The following LARP1 variants were observed in gnomAD, a reference collection of about 807,000 sequenced individuals.
The protein encoded by LARP1 is la-related protein 1.
In LARP1, 36 loss-of-function variants were observed where a neutral mutation model predicts 122.7. The ratio of observed to expected loss-of-function variants is 0.29; its 90% CI spans 0.22 to 0.39. LARP1 has a LOEUF of 0.39. Ranked by LOEUF, LARP1 falls within the 10% of genes least tolerant of loss-of-function variation. LARP1 has a pLI of 1.00. For synonymous variants in LARP1, 539 were observed against 528.7 expected (o/e 1.02, Z -0.27); for missense variants, 1,040 against 1,403.6 (o/e 0.74, Z 4.14).
At chr5:154,725,081 C>CA (rs1324938447) in intron 1 of LARP1, among the ~76,000 whole-genome samples, 1 of 151,874 alleles carries the variant, frequency 6.6e-6, no homozygotes, top group Non-Finnish European at 1.5e-5. Context: ...CTTGTCTCTA[C>CA]AAAAAAACTT....
At chr5:154,707,589 T>C (rs1311905228) in intron 1 of LARP1, among the ~76,000 whole-genome samples, 1 of 152,226 alleles carries the variant, frequency 6.6e-6, no homozygotes, top group East Asian at 1.9e-4. Context: ...TTAACCTTTT[T>C]GGCACCAGGG....
Position 154,811,711 on chromosome 5 carries a change from A to C in LARP1, c.3081+71A>C. ...CTGGACCAGGAATCAGGATACTTGG[A>C]TTCTGGTCCAGCTGTGCCCCTAGCC... is the stretch of plus-strand genomic sequence containing the variant. On this transcript the variant is annotated intron_variant, in intron 18 of 18. Coordinates refer to ENST00000518297, the MANE Select transcript of LARP1 (RefSeq NM_033551.3). 1.9e-6 allele frequency: 3 copies of C among 1,587,134 alleles called. No individual in the cohort carries two copies. The South Asian group carries it at 3.3e-5, about 18-fold the overall frequency.
In LARP1 at chr5:154,755,471, G is replaced by A; in HGVS notation, c.-287G>A. 1 of 867,312 alleles carries A rather than the reference G, an allele frequency of 1.2e-6. No individual in the cohort carries two copies. Among genetic ancestry groups the A allele is most frequent in the Non-Finnish European group, 1.4e-6 (1 of 721,110 alleles). 53.7% of individuals were successfully genotyped at this position (867,312 alleles called of 1,614,324 possible). On this transcript the variant is annotated 5_prime_UTR_variant, in exon 1 of 19. It adds an upstream start codon to the 5' untranslated region. Transcript: ENST00000518297. ...GGACTAGAAGCCTGCCGGGCTCGGG[G>A]TGGGGGCGTCTTGCGAGGAACGGGC...
chr5:154,769,244 A>C (rs2103073), intron 1 of LARP1, among the ~76,000 whole-genome samples: 9,215 of 152,320 alleles, frequency 0.06, 358 homozygotes, highest in South Asian at 0.13. Context: ...ACCTCTCATG[A>C]CTGCTGTCTG....
chr5:154,798,021 GT>G (rs1758030266), intron 8 of LARP1, among the ~76,000 whole-genome samples: 2 of 152,142 alleles, frequency 1.3e-5, no homozygotes, highest in South Asian at 2.1e-4. Flanking sequence ...ACTGAAAACA[GT>G]TTTTCCACTT....
At chr5:154,782,487 A>G (rs1430387235) in intron 1 of LARP1, among the ~76,000 whole-genome samples, 1 of 152,156 alleles carries the variant, frequency 6.6e-6, no homozygotes, top group Non-Finnish European at 1.5e-5. Flanking sequence ...CACCTGGGTC[A>G]CCACAGGCTA....
intron 1 of LARP1, among the ~76,000 whole-genome samples, chr5:154,739,309 C>T (rs1757092128): frequency 6.6e-6 from 1 of 152,102 alleles, no homozygotes; most frequent in African/African-American, 2.4e-5. Flanking sequence ...CGTGAGCCAC[C>T]TCACCCGGCC....
At position 154,813,920 on chromosome 5, in the gene LARP1, C is replaced by T. The variant is rs775808635; in HGVS notation, c.3115C>T (p.His1039Tyr). ...PMGEEGNHKR[H>Y]SVVAGGGGGE... ...GGGTGAGGAGGGCAACCACAAGCGA[C>T]ACTCAGTGGTAGCAGGAGGTGGCGG... The change falls in exon 19 of 19, where the codon CAC becomes TAC. Residue 1039 changes from histidine (H) to tyrosine (Y), a missense_variant. This residue lies in a region of LARP1 where 129 missense variants were observed against 160.8 expected (regional missense o/e 0.80). Transcript: ENST00000518297. The T allele has an allele frequency of 6.2e-7, 1 of 1,614,086 alleles. No individual in the cohort carries two copies. Among genetic ancestry groups the T allele is most frequent in the South Asian group, 1.1e-5 (1 of 91,078 alleles).
In LARP1 at chr5:154,803,866, G is replaced by A. The variant is rs1758542644; in HGVS notation, c.2439+121G>A. On this transcript the variant is annotated intron_variant, in intron 13 of 18. Coordinates refer to ENST00000518297, the MANE Select transcript of LARP1 (RefSeq NM_033551.3). The surrounding 1 kb of genome is among the most constrained non-coding windows in gnomAD (Gnocchi z 4.4). ...GTGCTAAATCCTTCACCTGCTCTGT[G>A]TTCTGAGGCTGGTGGGCTTACCTAG... 2.2e-5 allele frequency: 23 copies of A among 1,051,718 alleles called. No homozygotes were observed. In the South Asian group the frequency reaches 3.3e-4, roughly 15 times the overall value. 65.1% of individuals were successfully genotyped at this position (1,051,718 alleles called of 1,614,324 possible).
chr5:154,752,063 G>C (rs943974652), upstream of LARP1, among the ~76,000 whole-genome samples: 3 of 152,040 alleles, frequency 2.0e-5, no homozygotes, highest in African/African-American at 7.2e-5. Context: ...TCCTGCTTTG[G>C]CCTTTCAAAG....
At chr5:154,729,578 G>T in intron 1 of LARP1, 1 of 436,862 alleles carries the variant, frequency 2.3e-6, no homozygotes, top group South Asian at 1.7e-5. Flanking sequence ...GAAAGCCAAA[G>T]AGAAAGGTAC....
At chr5:154,793,115 CT>C (rs1333364966) in intron 4 of LARP1, among the ~76,000 whole-genome samples, 13 of 152,192 alleles carry the variant, frequency 8.5e-5, no homozygotes, top group Admixed American at 5.9e-4. Context: ...TCCTGAATCC[CT>C]TCAGCTTGCT....
chr5:154,804,069 T>C (rs997030139), intron 13 of LARP1, 132 bp from the exon 14 acceptor site: 101 of 728,144 alleles, frequency 1.4e-4, no homozygotes, highest in Non-Finnish European at 9.0e-5. Flanking sequence ...CTGTGAACTT[T>C]ATACGAGAAT....
In LARP1 at chr5:154,756,156, G is replaced by A; in HGVS notation, c.399G>A (p.Pro133=). 7.6e-7 allele frequency: 1 copy of A among 1,314,554 alleles called. No homozygotes were observed. Among genetic ancestry groups the A allele is most frequent in the South Asian group, 1.2e-5 (1 of 84,060 alleles). The allele number at this position is 1,314,554 out of a possible 1,614,324, so 81.4% of individuals were successfully genotyped here. The change falls in exon 1 of 19, where the codon CCG becomes CCA. Residue 133 remains proline, a synonymous_variant. Coordinates refer to ENST00000518297, the MANE Select transcript of LARP1 (RefSeq NM_033551.3). ...ACCCGTGGACTAAGAACGCATTGCC[G>A]CCGGTCCTGACCACCGTGAACGGAC... is the stretch of plus-strand genomic sequence containing the variant. ...KVNPWTKNAL[P]PVLTTVNGQS... is the part of the protein sequence containing the mutation.
chr5:154,705,713 A>G (rs1278189967), intron 1 of LARP1: 1 of 151,962 alleles, frequency 6.6e-6, no homozygotes, highest in East Asian at 1.9e-4. Flanking sequence ...TCACTACTGC[A>G]CTTGACTGTC....
intron 1 of LARP1, among the ~76,000 whole-genome samples, chr5:154,749,769 A>C (rs1366511707): frequency 6.6e-6 from 1 of 152,234 alleles, no homozygotes; most frequent in Non-Finnish European, 1.5e-5. Context: ...GAAGTAAGTG[A>C]TTAGTGCAAG....
chr5:154,756,325 C>T, intron 1 of LARP1, 132 bp downstream of exon 1: 1 of 918,078 alleles, frequency 1.1e-6, no homozygotes, highest in Non-Finnish European at 1.3e-6. Context: ...AAAATTGCCT[C>T]CTGGTTGATC....
In LARP1 at chr5:154,796,092, ATT is replaced by A. The variant is rs1238167491; in HGVS notation, c.1377+776_1377+777del. On this transcript the variant is annotated intron_variant, in intron 8 of 18. Coordinates refer to ENST00000518297, the MANE Select transcript of LARP1 (RefSeq NM_033551.3). Reference sequence around the variant, plus strand: ...TATATAGTATATATATTATATATATATTTTATATATTTATATATAGTATATAT... The same window carrying A: ...TATATAGTATATATATTATATATATATTATATATTTATATATAGTATATAT... 3.2e-3 allele frequency among the ~76,000 whole-genome samples: 376 copies of A among 118,628 alleles called. 1 individual carries two copies. Among genetic ancestry groups the A allele is most frequent in the African/African-American group, 0.012 (353 of 29,916 alleles). The allele number at this position is 118,628 out of a possible 152,430, so 77.8% of individuals were successfully genotyped here. A position where few individuals can be genotyped will look rare whatever the true frequency, so the allele number is the denominator to read the frequency against.
intron 1 of LARP1, among the ~76,000 whole-genome samples, chr5:154,764,991 A>G (rs1259961466): frequency 1.3e-5 from 2 of 151,994 alleles, no homozygotes; most frequent in Non-Finnish European, 2.9e-5. Flanking sequence ...CCTGGACCAT[A>G]CATCATCATT....
Sources: gnomAD v4.1 joint callset for allele counts (sites outside exome capture counted in the v4.1 genomes callset) on GRCh38, gnomAD v4.1.1 for gene constraint, gnomAD v4.1.1 regional missense constraint, Gnocchi (gnomAD v3.1) non-coding constraint, MANE v1.5 for transcripts, NCBI Gene and HGNC (gene_info 2026-07-23, HGNC 2026-07-21) for gene names.